The following RBFOX1 variants were observed in gnomAD, a reference collection of about 807,000 sequenced individuals.
The protein encoded by RBFOX1 is RNA binding fox-1 homolog 1, also known as RNA binding protein fox-1 homolog 1.
A neutral mutation model predicts 57.7 loss-of-function variants in RBFOX1; 8 were observed. That is an observed-to-expected ratio of 0.14 (90% CI 0.08 to 0.25). RBFOX1 has a LOEUF of 0.25. Among genes scored for constraint, RBFOX1 ranks in the 10% least tolerant of loss-of-function variants. The pLI is 1.00. For synonymous variants in RBFOX1, 326 were observed against 222.4 expected (o/e 1.47, Z -4.15); for missense variants, 611 against 548.5 (o/e 1.11, Z -1.14).
At chr16:6,619,983 G>C (rs1356512128) in intron 2 of RBFOX1, among the ~76,000 whole-genome samples, 1 of 152,124 alleles carries the variant, frequency 6.6e-6, no homozygotes, top group East Asian at 1.9e-4. Flanking sequence ...TCCTGCGTTA[G>C]TTTGCTAAGT....
At chr16:5,981,277 A>G (rs2060167570) in intron 4 of RBFOX1, among the ~76,000 whole-genome samples, 1 of 152,194 alleles carries the variant, frequency 6.6e-6, no homozygotes, top group Non-Finnish European at 1.5e-5. Flanking sequence ...TCTTTGGGGT[A>G]TTATGGAGAG....
intron 4 of RBFOX1, among the ~76,000 whole-genome samples, chr16:7,309,993 C>T (rs996582276): frequency 2.6e-5 from 4 of 152,206 alleles, no homozygotes; most frequent in East Asian, 1.9e-4. Flanking sequence ...CCGGGTGCTG[C>T]CCAAGAGAAC....
intron 1 of RBFOX1, among the ~76,000 whole-genome samples, chr16:6,048,478 C>T (rs2095517959): frequency 6.6e-6 from 1 of 152,168 alleles, no homozygotes; most frequent in East Asian, 1.9e-4. Flanking sequence ...TAATAATGGA[C>T]ACCCATTTCT....
chr16:5,329,901 T>C (rs1158235144), intron 1 of RBFOX1, among the ~76,000 whole-genome samples: 1 of 150,780 alleles, frequency 6.6e-6, no homozygotes, highest in African/African-American at 2.5e-5. Context: ...TGTGATGGCG[T>C]GAATCCGGGA....
intron 6 of RBFOX1, among the ~76,000 whole-genome samples, chr16:7,581,896 T>A (rs1013099512): frequency 1.5e-4 from 23 of 152,012 alleles, no homozygotes; most frequent in African/African-American, 3.1e-4. Flanking sequence ...TATTTTTTTT[T>A]AATAGAGATG....
intron 3 of RBFOX1, among the ~76,000 whole-genome samples, chr16:6,930,172 C>T (rs749484031): frequency 6.6e-6 from 1 of 152,172 alleles, no homozygotes; most frequent in South Asian, 2.1e-4. Flanking sequence ...GATATTATCC[C>T]ATCTTTGATA....
intron 5 of RBFOX1, among the ~76,000 whole-genome samples, chr16:7,564,676 G>A (rs2091268040): frequency 6.7e-6 from 1 of 150,230 alleles, no homozygotes; most frequent in African/African-American, 2.5e-5. Flanking sequence ...AATGTCTGTT[G>A]TTTAAACCAC....
chr16:7,525,685 C>T (rs2078546042), intron 5 of RBFOX1, among the ~76,000 whole-genome samples: 1 of 152,096 alleles, frequency 6.6e-6, no homozygotes, highest in African/African-American at 2.4e-5. Flanking sequence ...GTTGGGTGTC[C>T]TGGAGAAGAA....
At chr16:6,572,633 C>A (rs1277251272) in intron 2 of RBFOX1, among the ~76,000 whole-genome samples, 1 of 151,906 alleles carries the variant, frequency 6.6e-6, no homozygotes, top group Non-Finnish European at 1.5e-5. Context: ...CACTCTGTCA[C>A]CCAGGCTGGA....
At chr16:5,906,398 A>T (rs1301214434) in intron 4 of RBFOX1, among the ~76,000 whole-genome samples, 1 of 152,206 alleles carries the variant, frequency 6.6e-6, no homozygotes, top group Non-Finnish European at 1.5e-5. Flanking sequence ...AATTCCAAAG[A>T]TTGCTAACAA....
chr16:6,494,399 C>T (rs150853997), intron 2 of RBFOX1, among the ~76,000 whole-genome samples: 3 of 152,240 alleles, frequency 2.0e-5, no homozygotes, highest in South Asian at 4.1e-4. Context: ...TAACCCCTGT[C>T]GATCATGAAT....
chr16:6,966,909 A>G (rs1274836860), intron 3 of RBFOX1, among the ~76,000 whole-genome samples: 32 of 150,540 alleles, frequency 2.1e-4, no homozygotes, highest in Non-Finnish European at 2.5e-4. Context: ...CCATCCATCC[A>G]TCCATCCATC....
intron 2 of RBFOX1, among the ~76,000 whole-genome samples, chr16:6,591,989 TC>T (rs1000987072): frequency 1.3e-5 from 2 of 152,164 alleles, no homozygotes; most frequent in African/African-American, 4.8e-5. Flanking sequence ...CTGTATGACT[TC>T]CTAAGCATCC....
chr16:5,664,767 A>G (rs1279479989), intron 3 of RBFOX1, among the ~76,000 whole-genome samples: 1 of 152,078 alleles, frequency 6.6e-6, no homozygotes, highest in Non-Finnish European at 1.5e-5. Flanking sequence ...GCTTTTTCCA[A>G]ATTCCTGGGA....
chr16:7,409,545 A>G (rs1597709129), intron 4 of RBFOX1, among the ~76,000 whole-genome samples: 1 of 152,202 alleles, frequency 6.6e-6, no homozygotes, highest in Non-Finnish European at 1.5e-5. Flanking sequence ...ATTTTGCACT[A>G]TCCTAAGCAG....
At chr16:5,553,257 T>C (rs757987748) in intron 2 of RBFOX1, among the ~76,000 whole-genome samples, 11 of 151,918 alleles carry the variant, frequency 7.2e-5, no homozygotes, top group Admixed American at 2.0e-4. Flanking sequence ...CTTGTACACA[T>C]GTACCCTAGA....
At chr16:6,727,977 T>C (rs1348462445) in intron 3 of RBFOX1, among the ~76,000 whole-genome samples, 2 of 152,330 alleles carry the variant, frequency 1.3e-5, no homozygotes, top group East Asian at 3.9e-4. Context: ...TTTTGGTCTC[T>C]TTAAATTCCC....
chr16:6,226,506 C>G (rs1473167335), intron 1 of RBFOX1, among the ~76,000 whole-genome samples: 3 of 152,040 alleles, frequency 2.0e-5, no homozygotes, highest in Non-Finnish European at 4.4e-5. Context: ...CCCATGACCA[C>G]TCATTGAAGC....
intron 4 of RBFOX1, among the ~76,000 whole-genome samples, chr16:5,902,783 T>C (rs1469903131): frequency 6.6e-6 from 1 of 152,158 alleles, no homozygotes; most frequent in East Asian, 1.9e-4. Flanking sequence ...TTTTTTTGAT[T>C]CCAAGCGCCT....
Sources: allele counts gnomAD v4.1 joint callset (sites outside exome capture counted in the v4.1 genomes callset), GRCh38; gene constraint gnomAD v4.1.1; transcripts MANE v1.5; gene names NCBI Gene and HGNC (gene_info 2026-07-23, HGNC 2026-07-21).